The following MRPS27 variants were observed in gnomAD, a reference collection of about 807,000 sequenced individuals.
MRPS27 encodes small ribosomal subunit protein mS27.
In MRPS27, 43 loss-of-function variants were observed where a neutral mutation model predicts 48.9. That is an observed-to-expected ratio of 0.88 (90% confidence interval 0.69 to 1.13). The LOEUF (loss-of-function observed/expected upper bound fraction) is 1.13, where lower values mean the gene tolerates loss of function less well. Ranked by LOEUF, MRPS27 falls within the 50% of genes most tolerant of loss-of-function variation. The pLI is 0.00. For missense variants in MRPS27, 467 were observed against 476.3 expected, an observed-to-expected ratio of 0.98 and a Z score of 0.18; for synonymous variants, 188 against 171.9, an observed-to-expected ratio of 1.09 and a Z score of -0.73.
At chr5:72,237,871 T>A in intron 5 of MRPS27, 143 bp downstream of exon 5, 2 of 583,424 alleles carry the variant, frequency 3.4e-6, no homozygotes, top group South Asian at 5.3e-5. Context: ...TATACCCAGC[T>A]CCATTCTGTT....
At chr5:72,305,428 G>A (rs1750235557) in intron 2 of MRPS27, among the ~76,000 whole-genome samples, 1 of 152,130 alleles carries the variant, frequency 6.6e-6, no homozygotes, top group African/African-American at 2.4e-5. Context: ...CTAAATCTCA[G>A]CTAAAATGGA....
rs545821069 is a variant in MRPS27 at position 72,291,739 on chromosome 5, G to A, written c.281+3792C>T. On this transcript the variant is annotated intron_variant, in intron 4 of 10. Coordinates refer to ENST00000261413, the MANE Select transcript of MRPS27 (RefSeq NM_015084.3). ...TCTCTGAATTTTCTCTGTAGACACC[G>A]ATAAGGCAGCTGGAGGCACAGTTTC... is the stretch of plus-strand genomic sequence containing the variant. Among the ~76,000 whole-genome samples, 37 of 152,326 alleles carry A rather than the reference G, an allele frequency of 2.4e-4. 1 individual carries two copies. Among genetic ancestry groups the A allele is most frequent in the African/African-American group, 4.6e-4 (19 of 41,574 alleles).
rs751486659 is a variant in MRPS27 at position 72,314,083 on chromosome 5, A to C, written c.149T>G (p.Leu50Arg). ...ATAATAGTCCAATAGGTACCTACCA[A>C]GACAGTAATGTTCTTTTTCTCTTGC... The part of the protein sequence containing the change: ...WEAREKEHYC[L>R]ADLASLMDKT... The change falls in exon 2 of 11, where the codon CTT (leucine) becomes CGT (arginine). Residue 50 changes from leucine to arginine, a missense_variant and splice_region_variant. Physicochemically the swap from Leu to Arg is moderately radical, Grantham distance 102 (BLOSUM62 -2). Transcript: ENST00000261413. 1.2e-6 allele frequency: 2 copies of C among 1,611,674 alleles called. No homozygotes were observed. Among genetic ancestry groups the C allele is most frequent in the African/African-American group, 2.7e-5 (2 of 74,908 alleles).
intron 3 of MRPS27, among the ~76,000 whole-genome samples, chr5:72,296,480 A>G (rs1429154543): frequency 6.6e-6 from 1 of 152,218 alleles, no homozygotes; most frequent in Non-Finnish European, 1.5e-5. Context: ...TGGTTGCTCC[A>G]TCTGCATAAA....
intron 2 of MRPS27, among the ~76,000 whole-genome samples, chr5:72,308,277 G>C (rs1024267496): frequency 1.3e-5 from 2 of 152,222 alleles, no homozygotes; most frequent in East Asian, 1.9e-4. Context: ...CTCTCTCGCC[G>C]TACTCCCCGG....
At chr5:72,294,104 T>C (rs1291571436) in intron 4 of MRPS27, among the ~76,000 whole-genome samples, 1 of 151,992 alleles carries the variant, frequency 6.6e-6, no homozygotes, top group African/African-American at 2.4e-5. Context: ...AAAATAAATG[T>C]TTTTTAAAGG....
At chr5:72,263,598 A>G (rs530544226) in intron 4 of MRPS27, among the ~76,000 whole-genome samples, 1 of 151,654 alleles carries the variant, frequency 6.6e-6, no homozygotes, top group East Asian at 1.9e-4. Flanking sequence ...AAAGTACTTT[A>G]AGAGATATTT....
At chr5:72,311,879 T>G (rs1384514477) in intron 2 of MRPS27, among the ~76,000 whole-genome samples, 2 of 152,218 alleles carry the variant, frequency 1.3e-5, no homozygotes, top group Non-Finnish European at 2.9e-5. Flanking sequence ...AAGCCTGTAA[T>G]CCCAGCACTT....
At chr5:72,299,686 T>C (rs61468259) in intron 2 of MRPS27, among the ~76,000 whole-genome samples, 16,562 of 152,248 alleles carry the variant, frequency 0.11, 2,112 homozygotes, top group African/African-American at 0.31. Context: ...CATAGGAATA[T>C]TTGGTATTTC....
intron 8 of MRPS27, 74 bp from the exon 9 acceptor site, chr5:72,226,273 C>T (rs535225476): frequency 1.2e-4 from 194 of 1,561,936 alleles, no homozygotes; most frequent in Middle Eastern, 1.1e-3. Context: ...GACCTGAAGG[C>T]CCAAGTGAAT....
chr5:72,241,122 T>C (rs1183172306), intron 4 of MRPS27, among the ~76,000 whole-genome samples: 1 of 152,194 alleles, frequency 6.6e-6, no homozygotes, highest in Non-Finnish European at 1.5e-5. Context: ...ACTGCAGCCT[T>C]GAACTCTTGG....
At chr5:72,264,087 T>C (rs1365911115) in intron 4 of MRPS27, among the ~76,000 whole-genome samples, 4 of 152,152 alleles carry the variant, frequency 2.6e-5, no homozygotes, top group Admixed American at 1.3e-4. Context: ...TACTGATACA[T>C]GTTAAAATGT....
chr5:72,286,920 C>T (rs1027410484), intron 4 of MRPS27, among the ~76,000 whole-genome samples: 1 of 152,138 alleles, frequency 6.6e-6, no homozygotes, highest in African/African-American at 2.4e-5. Context: ...AAGAAGAATC[C>T]GTGTGGTGCT....
At chr5:72,236,472 CA>C (rs1373301796) in intron 5 of MRPS27, among the ~76,000 whole-genome samples, 1 of 152,096 alleles carries the variant, frequency 6.6e-6, no homozygotes, top group Non-Finnish European at 1.5e-5. Context: ...CAAGAAGCAG[CA>C]AAAATTCTAG....
chr5:72,280,253 A>G (rs535305496), intron 4 of MRPS27, among the ~76,000 whole-genome samples: 2 of 152,290 alleles, frequency 1.3e-5, no homozygotes, highest in African/African-American at 2.4e-5. Context: ...GTTCCCCAAA[A>G]ATTTCTGCTG....
At chr5:72,299,778 T>G (rs1750082231) in intron 2 of MRPS27, among the ~76,000 whole-genome samples, 1 of 152,244 alleles carries the variant, frequency 6.6e-6, no homozygotes, top group Admixed American at 6.5e-5. Context: ...CTTCACATCT[T>G]GTCATTGCTT....
chr5:72,272,498 G>A (rs1749274030), intron 4 of MRPS27, among the ~76,000 whole-genome samples: 1 of 152,200 alleles, frequency 6.6e-6, no homozygotes, highest in South Asian at 2.1e-4. Flanking sequence ...AGTCTCTAAT[G>A]AGCTTCCCAG....
At chr5:72,240,532 G>A (rs1748321785) in intron 4 of MRPS27, among the ~76,000 whole-genome samples, 1 of 152,076 alleles carries the variant, frequency 6.6e-6, no homozygotes, top group African/African-American at 2.4e-5. Flanking sequence ...TCTGGCTCAG[G>A]ATGTTTCCAA....
At chr5:72,319,965 T>A in intron 1 of MRPS27, 184 bp downstream of exon 1, 2 of 641,154 alleles carry the variant, frequency 3.1e-6, no homozygotes, top group Non-Finnish European at 2.8e-6. Context: ...GACAGGAACA[T>A]ACTGTTATTT....
Sources: gnomAD v4.1 joint callset for allele counts (sites outside exome capture counted in the v4.1 genomes callset) on GRCh38, gnomAD v4.1.1 for gene constraint, MANE v1.5 for transcripts, NCBI Gene and HGNC (gene_info 2026-07-23, HGNC 2026-07-21) for gene names.